The following BLTP3A variants were observed in gnomAD, a reference collection of about 807,000 sequenced individuals.
The protein encoded by BLTP3A is bridge-like lipid transfer protein family member 3A.
chr6:34,852,533 C>CCCTCT, the BLTP3A span, among the ~76,000 whole-genome samples: 8,712 of 129,018 alleles, frequency 0.068, 592 homozygotes, highest in African/African-American at 0.12. Context: ...CTGTATTCGC[C>CCCTCT]CCTCTCCTCT....
At chr6:34,834,368 C>T in the BLTP3A span, 1 of 1,613,576 alleles carries the variant, frequency 6.2e-7, no homozygotes, top group Non-Finnish European at 8.5e-7. Flanking sequence ...GCAGAGTGAC[C>T]TTCGCCTTAC....
chr6:34,876,623 T>A, the BLTP3A span: 1 of 152,236 alleles, frequency 6.6e-6, no homozygotes, highest in Non-Finnish European at 1.5e-5. Flanking sequence ...CATCTTGTTA[T>A]TTGAGAACAG....
At chr6:34,834,877 G>A in the BLTP3A span, 1 of 1,604,936 alleles carries the variant, frequency 6.2e-7, no homozygotes, top group African/African-American at 1.3e-5. Flanking sequence ...TGTGTTCTCT[G>A]GCCTCATGAA....
the BLTP3A span, chr6:34,859,131 C>T: frequency 1.5e-4 from 237 of 1,614,012 alleles, no homozygotes; most frequent in Non-Finnish European, 1.8e-4. Flanking sequence ...CAGACCAGGG[C>T]CCAGCAAGCC....
the BLTP3A span, among the ~76,000 whole-genome samples, chr6:34,842,034 TGA>T: frequency 6.6e-6 from 1 of 152,214 alleles, no homozygotes; most frequent in African/African-American, 2.4e-5. Context: ...ATCTCATATA[TGA>T]TTATGTGTTT....
the BLTP3A span, among the ~76,000 whole-genome samples, chr6:34,808,365 A>AAAAAAAAAAT: frequency 6.6e-6 from 1 of 150,846 alleles, no homozygotes; most frequent in East Asian, 1.9e-4. Flanking sequence ...AAAAAAAAAA[A>AAAAAAAAAAT]AAAAAGAATA....
chr6:34,835,706 C>A, the BLTP3A span, among the ~76,000 whole-genome samples: 1 of 152,152 alleles, frequency 6.6e-6, no homozygotes, highest in Non-Finnish European at 1.5e-5. Flanking sequence ...TTGTTCCTGT[C>A]CTTGGGGCTC....
At chr6:34,825,008 A>C in the BLTP3A span, among the ~76,000 whole-genome samples, 2 of 152,186 alleles carry the variant, frequency 1.3e-5, no homozygotes, top group African/African-American at 4.8e-5. Context: ...ATGGATCAAA[A>C]GAAGTCCATA....
the BLTP3A span, among the ~76,000 whole-genome samples, chr6:34,843,672 C>G: frequency 3.9e-5 from 6 of 152,160 alleles, no homozygotes; most frequent in African/African-American, 1.4e-4. Context: ...GCTTCCAAAT[C>G]TTGGCTATTA....
At chr6:34,814,769 G>A in the BLTP3A span, among the ~76,000 whole-genome samples, 533 of 152,218 alleles carry the variant, frequency 3.5e-3, 1 homozygote, top group South Asian at 0.016. Context: ...AGTGCAGAAA[G>A]GTTTTTGATG....
the BLTP3A span, chr6:34,867,232 T>C: frequency 6.2e-7 from 1 of 1,612,392 alleles, no homozygotes; most frequent in Non-Finnish European, 8.5e-7. Context: ...CAGAGTCTGG[T>C]CCAGAATCTG....
chr6:34,831,802 G>C, the BLTP3A span, among the ~76,000 whole-genome samples: 2 of 152,132 alleles, frequency 1.3e-5, no homozygotes, highest in East Asian at 3.8e-4. Context: ...TTTGATTTAT[G>C]AGTGAGGTTG....
the BLTP3A span, among the ~76,000 whole-genome samples, chr6:34,808,417 A>G: frequency 1.3e-5 from 2 of 151,316 alleles, no homozygotes; most frequent in African/African-American, 4.9e-5. Flanking sequence ...GAGAATTAAT[A>G]TAATCAAAAA....
the BLTP3A span, among the ~76,000 whole-genome samples, chr6:34,841,983 TA>T: frequency 1.3e-5 from 2 of 152,324 alleles, no homozygotes; most frequent in East Asian, 3.9e-4. Context: ...ACTAGTTCAC[TA>T]GAGAATTTTA....
At chr6:34,801,889 C>T in the BLTP3A span, among the ~76,000 whole-genome samples, 2 of 152,108 alleles carry the variant, frequency 1.3e-5, no homozygotes, top group African/African-American at 2.4e-5. Context: ...AGGCGCCCGC[C>T]GCCACACCTG....
At chr6:34,795,690 C>T in the BLTP3A span, among the ~76,000 whole-genome samples, 27 of 151,998 alleles carry the variant, frequency 1.8e-4, no homozygotes, top group Admixed American at 3.3e-4. Flanking sequence ...CGTGAGCCAC[C>T]GTGCCTGGCC....
the BLTP3A span, among the ~76,000 whole-genome samples, chr6:34,832,144 A>G: frequency 2.1e-5 from 3 of 145,934 alleles, no homozygotes; most frequent in Non-Finnish European, 4.5e-5. Flanking sequence ...TTTTAAGACA[A>G]GGTCTCACTC....
At chr6:34,872,630 A>G in the BLTP3A span, 1 of 590,908 alleles carries the variant, frequency 1.7e-6, no homozygotes, top group Non-Finnish European at 2.6e-6. Context: ...AGGGCAAAGC[A>G]TGATTGTATC....
the BLTP3A span, among the ~76,000 whole-genome samples, chr6:34,833,781 G>T: frequency 1.3e-5 from 2 of 152,062 alleles, no homozygotes; most frequent in East Asian, 3.9e-4. Context: ...ACAAAAATTA[G>T]CTGGGAGTGG....
Sources: gnomAD v4.1 joint callset for allele counts (sites outside exome capture counted in the v4.1 genomes callset) on GRCh38, gnomAD v4.1.1 for gene constraint, MANE v1.5 for transcripts, NCBI Gene and HGNC (gene_info 2026-07-23, HGNC 2026-07-21) for gene names.